Variants in RALGAPA2 observed in about 807,000 individuals in gnomAD.
RALGAPA2 encodes ral GTPase-activating protein subunit alpha-2.
A neutral mutation model predicts 230.4 loss-of-function variants in RALGAPA2; 139 were observed. The observed-to-expected ratio is 0.60, with a 90% CI of 0.53 to 0.69. The LOEUF (loss-of-function observed/expected upper bound fraction) is 0.69. Among genes scored for constraint, RALGAPA2 ranks in the 30% least tolerant of loss-of-function variants. The pLI is 0.00. For synonymous variants in RALGAPA2, 847 were observed against 837.8 expected (o/e 1.01, Z -0.19); for missense variants, 2,163 against 2,276.0 (o/e 0.95, Z 1.01).
chr20:20,684,768 T>C (rs1055243928), intron 1 of RALGAPA2, among the ~76,000 whole-genome samples: 5 of 152,330 alleles, frequency 3.3e-5, no homozygotes, highest in South Asian at 4.1e-4. Flanking sequence ...GCTGCTAGAA[T>C]GTAAGCGGCA....
chr20:20,573,109 T>C (rs1392745872), intron 20 of RALGAPA2, 41 bp from the exon 21 acceptor site: 1 of 1,445,924 alleles, frequency 6.9e-7, no homozygotes, highest in South Asian at 1.5e-5. Context: ...TAAACAATCT[T>C]GATTTCATCA....
At chr20:20,684,346 G>A (rs2068628580) in intron 1 of RALGAPA2, among the ~76,000 whole-genome samples, 1 of 152,096 alleles carries the variant, frequency 6.6e-6, no homozygotes, top group South Asian at 2.1e-4. Context: ...AGATCAACAA[G>A]TCCCCATCTT....
intron 37 of RALGAPA2, among the ~76,000 whole-genome samples, chr20:20,418,259 C>G (rs1420832528): frequency 6.6e-6 from 1 of 152,176 alleles, no homozygotes; most frequent in Non-Finnish European, 1.5e-5. Flanking sequence ...TGCTCAGTAC[C>G]ATTAATGATC....
At chr20:20,522,371 T>C (rs1368038520) in intron 30 of RALGAPA2, among the ~76,000 whole-genome samples, 1 of 152,220 alleles carries the variant, frequency 6.6e-6, no homozygotes, top group Admixed American at 6.5e-5. Context: ...TAATACTATA[T>C]ATCACCAAGA....
chr20:20,644,070 G>C (rs1464509192), intron 4 of RALGAPA2, among the ~76,000 whole-genome samples: 1 of 152,108 alleles, frequency 6.6e-6, no homozygotes, highest in Non-Finnish European at 1.5e-5. Flanking sequence ...TACAAAAACT[G>C]GTGCTGCAGC....
At chr20:20,623,834 T>G (rs894760584) in intron 10 of RALGAPA2, among the ~76,000 whole-genome samples, 2 of 152,256 alleles carry the variant, frequency 1.3e-5, no homozygotes, top group Admixed American at 1.3e-4. Context: ...GTCATCTATT[T>G]TGGTGTCTTT....
At chr20:20,452,754 T>C (rs924389530) in intron 37 of RALGAPA2, among the ~76,000 whole-genome samples, 3 of 152,266 alleles carry the variant, frequency 2.0e-5, no homozygotes, top group African/African-American at 7.2e-5. Flanking sequence ...TAAAGCATGA[T>C]ACTGGTATTT....
chr20:20,470,655 C>CA (rs897770258), intron 37 of RALGAPA2, among the ~76,000 whole-genome samples: 13 of 151,802 alleles, frequency 8.6e-5, no homozygotes, highest in African/African-American at 2.7e-4. Context: ...GCTCCTTTTT[C>CA]AAAAAATAGG....
At position 20,412,188 on chromosome 20, in the gene RALGAPA2, T is replaced by C. The variant is rs115274471; in HGVS notation, c.5496-40A>G. On this transcript the variant is annotated intron_variant, in intron 37 of 39. Transcript: ENST00000202677. ...TAAGGAAACAAGTGCACGTGCAAAG[T>C]GGCATGCAGAGCAGTGACAGAATTC... 3 of 1,610,218 alleles carry C rather than the reference T, an allele frequency of 1.9e-6. No individual in the cohort carries two copies. The African/African-American group carries it at 4.0e-5, about 22-fold the overall frequency.
chr20:20,508,054 T>C (rs1301147907), intron 33 of RALGAPA2, among the ~76,000 whole-genome samples: 2 of 152,230 alleles, frequency 1.3e-5, no homozygotes, highest in African/African-American at 2.4e-5. Context: ...ATTGCAGCTG[T>C]TCCTAAGTCC....
chr20:20,513,956 A>T (rs1210866501), intron 31 of RALGAPA2, among the ~76,000 whole-genome samples: 2 of 152,334 alleles, frequency 1.3e-5, no homozygotes, highest in South Asian at 4.1e-4. Context: ...TTGGCAACAC[A>T]GAATCAGTCT....
chr20:20,648,645 T>C (rs764993055), intron 4 of RALGAPA2, among the ~76,000 whole-genome samples: 1 of 151,792 alleles, frequency 6.6e-6, no homozygotes, highest in Non-Finnish European at 1.5e-5. Flanking sequence ...CTGAAGCCAT[T>C]GAGGCACAGA....
At position 20,712,596 on chromosome 20, in the gene RALGAPA2, C is replaced by A; in HGVS notation, c.-116G>T. The A allele has an allele frequency of 8.1e-7, 1 of 1,231,534 alleles. No individual in the cohort carries two copies. Among genetic ancestry groups the A allele is most frequent in the Non-Finnish European group, 1.0e-6 (1 of 984,888 alleles). 76.3% of individuals were successfully genotyped at this position (1,231,534 alleles called of 1,614,324 possible). A position where few individuals can be genotyped will look rare whatever the true frequency, so the allele number is the denominator to read the frequency against. ...CGCGGGCCACTCGCCGCCCCCAGCCCCGCTGCTGCCGCCGCCGCCGCCGCC... is the reference window on the plus strand; with the variant it reads ...CGCGGGCCACTCGCCGCCCCCAGCCACGCTGCTGCCGCCGCCGCCGCCGCC... On this transcript the variant is annotated 5_prime_UTR_variant, in exon 1 of 40. Transcript: ENST00000202677. This position sits in a 1 kb window ranked among gnomAD's most constrained non-coding sequence, Gnocchi z 5.5.
At chr20:20,453,386 G>T (rs2061034982) in intron 37 of RALGAPA2, among the ~76,000 whole-genome samples, 1 of 152,138 alleles carries the variant, frequency 6.6e-6, no homozygotes, top group Admixed American at 6.5e-5. Flanking sequence ...AGATGAGACA[G>T]CGATAAGAAG....
intron 38 of RALGAPA2, among the ~76,000 whole-genome samples, chr20:20,409,892 C>T (rs2060025097): frequency 6.6e-6 from 1 of 152,122 alleles, no homozygotes; most frequent in African/African-American, 2.4e-5. Flanking sequence ...GAACATTATG[C>T]CTAGACTTAA....
intron 23 of RALGAPA2, among the ~76,000 whole-genome samples, chr20:20,558,133 T>G (rs1200880182): frequency 2.0e-5 from 3 of 152,130 alleles, no homozygotes; most frequent in African/African-American, 7.2e-5. Flanking sequence ...GCCTCCCAAG[T>G]AGCTGGGATT....
At chr20:20,403,097 G>C (rs1264330743) in intron 38 of RALGAPA2, among the ~76,000 whole-genome samples, 1 of 151,986 alleles carries the variant, frequency 6.6e-6, no homozygotes, top group African/African-American at 2.4e-5. Flanking sequence ...CCCCACCCCA[G>C]GTGTGTTGGA....
At chr20:20,460,361 T>C (rs145292675) in intron 37 of RALGAPA2, among the ~76,000 whole-genome samples, 120 of 152,350 alleles carry the variant, frequency 7.9e-4, no homozygotes, top group African/African-American at 2.8e-3. Context: ...TAAGTTATTA[T>C]TTAATTTAAA....
intron 33 of RALGAPA2, among the ~76,000 whole-genome samples, chr20:20,509,711 G>A (rs2062645726): frequency 6.6e-6 from 1 of 152,140 alleles, no homozygotes; most frequent in Non-Finnish European, 1.5e-5. Context: ...AAGAAAAAAT[G>A]AAAAGAAAAG....
Sources: gnomAD v4.1 joint callset for allele counts (sites outside exome capture counted in the v4.1 genomes callset) on GRCh38, gnomAD v4.1.1 for gene constraint, Gnocchi (gnomAD v3.1) non-coding constraint, MANE v1.5 for transcripts, NCBI Gene and HGNC (gene_info 2026-07-23, HGNC 2026-07-21) for gene names.